SMOC2: variants seen among roughly 807,000 people sequenced by gnomAD.
SMOC2 encodes SPARC-related modular calcium-binding protein 2.
SMOC2 carries 39 observed loss-of-function variants against 61.4 expected under a neutral mutation model. That is an observed-to-expected ratio of 0.64 (90% CI 0.49 to 0.83). The LOEUF is 0.83. Ranked by LOEUF, SMOC2 falls within the 40% of genes least tolerant of loss-of-function variation. SMOC2 has a pLI of 0.00. For synonymous variants in SMOC2, 247 were observed against 239.9 expected (o/e 1.03, Z -0.27); for missense variants, 556 against 592.9 (o/e 0.94, Z 0.65).
At position 168,556,463 on chromosome 6, in the gene SMOC2, CCCTGGG is replaced by C. The variant is rs138426853; in HGVS notation, c.637+7262_637+7267del. Among the ~76,000 whole-genome samples the C allele has an allele frequency of 3.2e-3, 490 of 152,308 alleles. 2 individuals are homozygous for C. The highest frequency in any genetic ancestry group is 0.011 in the African/African-American group (437 of 41,564). The stretch of plus-strand genomic sequence containing the variant: ...CTCGTGGCCTCGCAGACTGTGCGGG[CCCTGGG>C]CACTGATGCCTCATCTCCTTTATTT... On this transcript the variant is annotated intron_variant, in intron 7 of 12. Coordinates refer to ENST00000356284, the MANE Select transcript of SMOC2 (RefSeq NM_001166412.2).
chr6:168,468,826 A>C (rs981571080), intron 1 of SMOC2, among the ~76,000 whole-genome samples: 1 of 152,136 alleles, frequency 6.6e-6, no homozygotes, highest in African/African-American at 2.4e-5. Context: ...GAGCCACCAC[A>C]CCCGGAGGAT....
At chr6:168,625,618 G>A (rs1031138888) in intron 9 of SMOC2, among the ~76,000 whole-genome samples, 7 of 152,230 alleles carry the variant, frequency 4.6e-5, no homozygotes, top group East Asian at 3.8e-4. Context: ...CTTCTGCCAC[G>A]TTTTGTGCAC....
At chr6:168,597,492 C>T (rs1159332324) in intron 7 of SMOC2, among the ~76,000 whole-genome samples, 3 of 152,160 alleles carry the variant, frequency 2.0e-5, no homozygotes, top group African/African-American at 7.2e-5. Context: ...CTTTTAATCC[C>T]CAGAACAATC....
At chr6:168,527,585 C>T in intron 3 of SMOC2, 43 bp from the exon 4 acceptor site, 1 of 1,445,052 alleles carries the variant, frequency 6.9e-7, no homozygotes, top group Non-Finnish European at 9.5e-7. Context: ...AGGCGCTGCG[C>T]CACGGGCCCG....
chr6:168,455,103 C>T (rs775395800), intron 1 of SMOC2, among the ~76,000 whole-genome samples: 2 of 151,958 alleles, frequency 1.3e-5, no homozygotes, highest in African/African-American at 2.4e-5. Context: ...GGAGTGAGGA[C>T]GGGCTGCCAT....
Position 168,477,093 on chromosome 6 carries a change from G to A in SMOC2, c.85-32822G>A, listed in dbSNP as rs756128843. ...TTGGTTAACTTTAAAAGCTGCAGTC[G>A]ATGTAGTTTCATTTTCATGTGGGTC... On this transcript the variant is annotated intron_variant, in intron 1 of 12. Transcript: ENST00000356284. 5.3e-5 allele frequency among the ~76,000 whole-genome samples: 8 copies of A among 152,202 alleles called. No individual in the cohort carries two copies. The East Asian group carries it at 5.8e-4, about 11-fold the overall frequency.
At chr6:168,608,327 C>A in intron 9 of SMOC2, 88 bp downstream of exon 9, 1 of 1,403,812 alleles carries the variant, frequency 7.1e-7, no homozygotes, top group Non-Finnish European at 9.8e-7. Flanking sequence ...CTTTATCTGA[C>A]TCTGTTTCCC....
intron 7 of SMOC2, among the ~76,000 whole-genome samples, chr6:168,598,167 C>T (rs1195481536): frequency 2.0e-5 from 3 of 152,052 alleles, no homozygotes; most frequent in African/African-American, 7.2e-5. Context: ...GAAATTTTCA[C>T]GATTTGGGGC....
At chr6:168,664,382 ATCTTTTTTTTTTTTTTT>A (rs1180645948) in intron 12 of SMOC2, 6 of 302,724 alleles carry the variant, frequency 2.0e-5, no homozygotes, top group African/African-American at 1.7e-4. Context: ...TGTTTGGTAG[ATCTTTTTTTTTTTTTTT>A]TTTTTTTTTT....
chr6:168,552,819 A>AC (rs531587799), intron 7 of SMOC2, among the ~76,000 whole-genome samples: 53 of 92,562 alleles, frequency 5.7e-4, no homozygotes, highest in Non-Finnish European at 8.3e-4. Context: ...ATTGGCAAAG[A>AC]CCCCCCCACC....
At chr6:168,665,060 T>C in intron 12 of SMOC2, 1 of 294,038 alleles carries the variant, frequency 3.4e-6, no homozygotes, top group Non-Finnish European at 6.6e-6. Flanking sequence ...GTTTATGGTT[T>C]TAACTTTAAA....
Position 168,606,433 on chromosome 6 carries a change from T to C in SMOC2, c.825-1724T>C, listed in dbSNP as rs9456237. On this transcript the variant is annotated intron_variant, in intron 8 of 12. Coordinates refer to ENST00000356284, the MANE Select transcript of SMOC2 (RefSeq NM_001166412.2). ...GCAGGTTTTCTGGTATCAAAGAGGC[T>C]ATTGAGGGCCAAGGGTGGCAGGAAT... 8.9e-4 allele frequency among the ~76,000 whole-genome samples: 135 copies of C among 152,332 alleles called. 1 individual carries two copies. The highest frequency in any genetic ancestry group is 3.1e-3 in the African/African-American group (129 of 41,588).
rs1562381270 is a variant in SMOC2, at chr6:168,612,241, ACT to A, written c.907+4004_907+4005del. Among the ~76,000 whole-genome samples, 80 of 138,890 alleles carry A rather than the reference ACT, an allele frequency of 5.8e-4. 1 individual carries two copies. Among genetic ancestry groups the A allele is most frequent in the Non-Finnish European group, 2.0e-4 (13 of 63,968 alleles). 91.1% of individuals were successfully genotyped at this position (138,890 alleles called of 152,430 possible). A position where few individuals can be genotyped will look rare whatever the true frequency, so the allele number is the denominator to read the frequency against. ...CGGGGAGAGGGTGACTGCAGCCTTT[ACT>A]CAAACAGCAGCGCTGGGTTCGTGAT... On this transcript the variant is annotated intron_variant, in intron 9 of 12. Coordinates refer to ENST00000356284, the MANE Select transcript of SMOC2 (RefSeq NM_001166412.2).
At chr6:168,534,060 A>G (rs1047058917) in intron 4 of SMOC2, among the ~76,000 whole-genome samples, 3 of 152,230 alleles carry the variant, frequency 2.0e-5, no homozygotes, top group Non-Finnish European at 4.4e-5. Context: ...GGCCTGTGCA[A>G]CAAAAGTGAG....
chr6:168,495,329 T>C (rs1782560922), intron 1 of SMOC2, among the ~76,000 whole-genome samples: 1 of 152,166 alleles, frequency 6.6e-6, no homozygotes, highest in South Asian at 2.1e-4. Flanking sequence ...TGGATCTTCT[T>C]CACTTCCTCT....
intron 7 of SMOC2, among the ~76,000 whole-genome samples, chr6:168,584,450 G>T (rs1379453028): frequency 6.6e-6 from 1 of 152,098 alleles, no homozygotes; most frequent in Non-Finnish European, 1.5e-5. Context: ...GCAAGAGTTG[G>T]GAATGCTCAA....
At chr6:168,592,478 C>A (rs374130405) in intron 7 of SMOC2, among the ~76,000 whole-genome samples, 36,469 of 47,606 alleles carry the variant, frequency 0.77, 14,270 homozygotes, top group Middle Eastern at 0.86. Context: ...CACGAGGGGC[C>A]TCTTTCTAGA....
In SMOC2 at chr6:168,454,894, G is replaced by A. The variant is rs542080288; in HGVS notation, c.84+13440G>A. Among the ~76,000 whole-genome samples the A allele has an allele frequency of 1.0e-3, 152 of 152,266 alleles. 1 individual carries two copies. The highest frequency in any genetic ancestry group is 1.8e-3 in the Non-Finnish European group (125 of 68,016). ...TACAGGTGCACATCCTGTGGCCGGG[G>A]TCCCTGTGGCCAGGGTCCCGGTTTG... On this transcript the variant is annotated intron_variant, in intron 1 of 12. Coordinates refer to ENST00000356284, the MANE Select transcript of SMOC2 (RefSeq NM_001166412.2).
chr6:168,484,878 C>A (rs964506725), intron 1 of SMOC2, among the ~76,000 whole-genome samples: 2 of 152,154 alleles, frequency 1.3e-5, no homozygotes, highest in Non-Finnish European at 2.9e-5. Context: ...ATTCCACTTA[C>A]AAAAGCTACT....
Sources: gnomAD v4.1 joint callset for allele counts (sites outside exome capture counted in the v4.1 genomes callset) on GRCh38, gnomAD v4.1.1 for gene constraint, MANE v1.5 for transcripts, NCBI Gene and HGNC (gene_info 2026-07-23, HGNC 2026-07-21) for gene names.